Variants in HRH1 observed in about 807,000 individuals in gnomAD.
HRH1 encodes the protein histamine H1 receptor.
A neutral mutation model predicts 10.3 loss-of-function variants in HRH1; 6 were observed. The ratio of observed to expected loss-of-function variants is 0.58; its 90% CI spans 0.32 to 1.15. The LOEUF (loss-of-function observed/expected upper bound fraction) is 1.15. Among genes scored for constraint, HRH1 ranks in the 50% most tolerant of loss-of-function variants. The pLI, the probability that HRH1 is intolerant of heterozygous loss-of-function variation, is 0.05. For missense variants in HRH1, 514 were observed against 615.3 expected (o/e 0.84, Z 1.74); for synonymous variants, 242 against 236.7 (o/e 1.02, Z -0.21).
intron 1 of HRH1, among the ~76,000 whole-genome samples, chr3:11,235,214 CAA>C (rs111638451): frequency 7.8e-6 from 1 of 128,712 alleles, no homozygotes; most frequent in Non-Finnish European, 1.7e-5. Context: ...GACTCCATCT[CAA>C]AAAAAAAAAA....
rs556182861 is a variant in HRH1, at chr3:11,221,743, C to G, written c.-35-37260C>G. Among the ~76,000 whole-genome samples the G allele has an allele frequency of 2.0e-5, 3 of 152,248 alleles. 1 individual carries two copies. The highest frequency in any genetic ancestry group is 4.2e-4 in the South Asian group (2 of 4,816). On this transcript the variant is annotated intron_variant, in intron 1 of 1. Coordinates refer to ENST00000431010, the MANE Select transcript of HRH1 (RefSeq NM_001098212.2). ...AAATTCTGTACCCATTAAACACTAA[C>G]TCCCCTTTCCTCCTTCCCGCAGCCC... is the stretch of plus-strand genomic sequence containing the variant.
intron 1 of HRH1, among the ~76,000 whole-genome samples, chr3:11,180,404 C>T (rs987197363): frequency 3.3e-5 from 5 of 152,162 alleles, no homozygotes; most frequent in Non-Finnish European, 5.9e-5. Flanking sequence ...AAGGAGCGTG[C>T]AACCTAGATC....
intron 1 of HRH1, among the ~76,000 whole-genome samples, chr3:11,203,143 A>G (rs1287269736): frequency 1.3e-5 from 2 of 152,206 alleles, no homozygotes; most frequent in African/African-American, 4.8e-5. Context: ...TAGTTTACCC[A>G]TTCACTTACC....
chr3:11,191,029 A>G (rs1937522940), intron 1 of HRH1, among the ~76,000 whole-genome samples: 1 of 152,002 alleles, frequency 6.6e-6, no homozygotes. Flanking sequence ...GCCCCCTTTC[A>G]TCCCTTTTTC....
intron 1 of HRH1, among the ~76,000 whole-genome samples, chr3:11,169,897 A>C (rs9843334): frequency 0.19 from 29,095 of 151,984 alleles, 4,550 homozygotes; most frequent in African/African-American, 0.43. Context: ...CCTCATCCTT[A>C]GAAAAGGGTC....
chr3:11,162,091 G>A (rs1013478056), intron 1 of HRH1, among the ~76,000 whole-genome samples: 2 of 152,226 alleles, frequency 1.3e-5, no homozygotes, highest in African/African-American at 2.4e-5. Flanking sequence ...TCTGCAGGAG[G>A]TGGCCCCTCC....
rs554721940 is a variant in HRH1 at position 11,163,929 on chromosome 3, C to A, written c.-36+9375C>A. 1.4e-4 allele frequency among the ~76,000 whole-genome samples: 21 copies of A among 152,258 alleles called. No individual in the cohort carries two copies. The South Asian group carries it at 3.9e-3, about 29-fold the overall frequency. ...CAGACTCACATCTTCCATACATGTC[C>A]TTATTGTCACCATCGGTCCCCCCAT... On this transcript the variant is annotated intron_variant, in intron 1 of 1. Transcript: ENST00000431010.
chr3:11,198,131 G>A (rs912134660), intron 1 of HRH1, among the ~76,000 whole-genome samples: 1 of 152,082 alleles, frequency 6.6e-6, no homozygotes, highest in Non-Finnish European at 1.5e-5. Context: ...TTCAGGCTCC[G>A]CATCTGCAAG....
At chr3:11,193,779 G>T (rs144837334) in intron 1 of HRH1, among the ~76,000 whole-genome samples, 1 of 152,344 alleles carries the variant, frequency 6.6e-6, no homozygotes, top group Non-Finnish European at 1.5e-5. Flanking sequence ...GGTGGGAAGG[G>T]TGAGGAGTCT....
At chr3:11,240,795 T>A (rs377254210) in intron 1 of HRH1, among the ~76,000 whole-genome samples, 2 of 152,216 alleles carry the variant, frequency 1.3e-5, no homozygotes, top group Non-Finnish European at 2.9e-5. Flanking sequence ...CCAGACTTAA[T>A]GAGATTATGC....
Position 11,196,409 on chromosome 3 carries a change from A to AT in HRH1, c.-36+41865dup, listed in dbSNP as rs561535970. ...TTACATTTGTCCGTGTGATTCCTTG[A>AT]TTTTTTTTTTCTTTTGAGACAGCTT... On this transcript the variant is annotated intron_variant, in intron 1 of 1. Transcript: ENST00000431010. Among the ~76,000 whole-genome samples, 1,224 of 150,080 alleles carry AT rather than the reference A, an allele frequency of 8.2e-3. 13 individuals are homozygous for AT. Among genetic ancestry groups the AT allele is most frequent in the African/African-American group, 0.028 (1,144 of 40,868 alleles).
intron 1 of HRH1, among the ~76,000 whole-genome samples, chr3:11,157,123 A>G (rs191552627): frequency 3.3e-5 from 5 of 152,300 alleles, no homozygotes; most frequent in Admixed American, 3.3e-4. Context: ...ACAGTTTTCA[A>G]TCAGCTGTTT....
chr3:11,145,451 A>G lies in HRH1; in HGVS notation c.-36+8052A>G, dbSNP rs1449488114. ...CCTCCTTGAGTGTCTCTCTGTCCCT[A>G]CTGCACCCCACACACAGTGTGTCTA... On this transcript the variant is annotated intron_variant, in intron 1 of 1. Coordinates refer to the HRH1 transcript ENST00000438284. Among the ~76,000 whole-genome samples, 6 of 151,964 alleles carry G rather than the reference A, an allele frequency of 3.9e-5. No individual in the cohort carries two copies. In the East Asian group the frequency reaches 7.7e-4, roughly 20 times the overall value.
At chr3:11,171,285 G>A (rs1363980519) in intron 1 of HRH1, among the ~76,000 whole-genome samples, 3 of 151,936 alleles carry the variant, frequency 2.0e-5, no homozygotes, top group Admixed American at 6.6e-5. Flanking sequence ...CCCGGCTAAT[G>A]TTGTATTTTT....
intron 1 of HRH1, among the ~76,000 whole-genome samples, chr3:11,168,918 T>C (rs1244448759): frequency 6.6e-6 from 1 of 152,170 alleles, no homozygotes; most frequent in African/African-American, 2.4e-5. Context: ...TTCTCCAACT[T>C]ATTTAAATCC....
upstream of HRH1, among the ~76,000 whole-genome samples, chr3:11,153,897 G>C (rs1384530732): frequency 3.9e-5 from 6 of 152,152 alleles, no homozygotes; most frequent in East Asian, 1.2e-3. Flanking sequence ...AGACCCTGGG[G>C]TCTCTTTAGT....
At chr3:11,246,976 T>C (rs190621261) in intron 1 of HRH1, among the ~76,000 whole-genome samples, 2 of 152,248 alleles carry the variant, frequency 1.3e-5, no homozygotes, top group Admixed American at 1.3e-4. Context: ...GCTTGAATCA[T>C]TTTCTGTCAA....
At chr3:11,244,840 T>C (rs945458002) in intron 1 of HRH1, among the ~76,000 whole-genome samples, 1 of 152,142 alleles carries the variant, frequency 6.6e-6, no homozygotes, top group African/African-American at 2.4e-5. Flanking sequence ...TAGTTCAGGG[T>C]GCATGTTCTT....
In HRH1 at chr3:11,172,692, C is replaced by T. The variant is rs1440856249; in HGVS notation, c.-36+18138C>T. Among the ~76,000 whole-genome samples the T allele has an allele frequency of 2.7e-5, 4 of 146,396 alleles. 1 individual carries two copies. The highest frequency in any genetic ancestry group is 1.1e-4 in the African/African-American group (4 of 37,984). On this transcript the variant is annotated intron_variant, in intron 1 of 1. Coordinates refer to ENST00000431010, the MANE Select transcript of HRH1 (RefSeq NM_001098212.2). ...CAAAGCCTTGAAAATACTTTTGTGG[C>T]TTTTGGCGAATCTTTTTTTTTTTTT... is the stretch of plus-strand genomic sequence containing the variant.
Sources: allele counts gnomAD v4.1 joint callset (sites outside exome capture counted in the v4.1 genomes callset), GRCh38; gene constraint gnomAD v4.1.1; transcripts MANE v1.5; gene names NCBI Gene and HGNC (gene_info 2026-07-23, HGNC 2026-07-21).